RALYL: variants seen among roughly 807,000 people sequenced by gnomAD.
RALYL encodes RNA-binding Raly-like protein.
In RALYL, 29 loss-of-function variants were observed where a neutral mutation model predicts 35.1. The ratio of observed to expected loss-of-function variants is 0.83; its 90% CI spans 0.61 to 1.13. RALYL has a LOEUF of 1.13. RALYL is among the 50% of genes most tolerant of loss of function. The pLI is 0.00. For synonymous variants in RALYL, 120 were observed against 127.6 expected, an observed-to-expected ratio of 0.94 and a Z score of 0.40; for missense variants, 359 against 360.4, an observed-to-expected ratio of 1.00 and a Z score of 0.03.
chr8:84,379,880 A>G (rs1246295284), intron 1 of RALYL, among the ~76,000 whole-genome samples: 2 of 151,580 alleles, frequency 1.3e-5, no homozygotes, highest in African/African-American at 4.8e-5. Context: ...AAAAGAAAAA[A>G]ACTGTACTCC....
At chr8:84,815,898 G>T (rs1442613388) in intron 4 of RALYL, among the ~76,000 whole-genome samples, 3 of 151,854 alleles carry the variant, frequency 2.0e-5, no homozygotes, top group Non-Finnish European at 4.4e-5. Context: ...GCTGGACGTG[G>T]TGGTGTACAC....
chr8:84,802,761 C>T (rs919170847), intron 3 of RALYL, among the ~76,000 whole-genome samples: 1 of 152,110 alleles, frequency 6.6e-6, no homozygotes, highest in African/African-American at 2.4e-5. Context: ...GCAGTACTTG[C>T]CCAAAGGAAG....
intron 1 of RALYL, among the ~76,000 whole-genome samples, chr8:84,425,493 C>T (rs911733816): frequency 2.0e-5 from 3 of 152,198 alleles, no homozygotes; most frequent in Admixed American, 6.5e-5. Context: ...GATGGAAATG[C>T]AGAAATCACC....
intron 1 of RALYL, among the ~76,000 whole-genome samples, chr8:84,475,233 A>G (rs1157084382): frequency 1.3e-5 from 2 of 152,062 alleles, no homozygotes; most frequent in Non-Finnish European, 2.9e-5. Context: ...CTGCAAAGGA[A>G]CAGGGTCTCA....
chr8:84,273,745 T>C (rs182694912), intron 1 of RALYL, among the ~76,000 whole-genome samples: 26 of 152,328 alleles, frequency 1.7e-4, no homozygotes, highest in African/African-American at 4.6e-4. Context: ...TTGTTAACAA[T>C]TGAAGGGCAA....
Position 84,848,850 on chromosome 8 carries a change from A to T in RALYL, c.366-1130A>T, listed in dbSNP as rs563690252. On this transcript the variant is annotated intron_variant, in intron 4 of 8. Coordinates refer to ENST00000521268, the MANE Select transcript of RALYL (RefSeq NM_173848.7). ...AACGAGTAAGTAAACTTTTTTTTTT[A>T]AATTACTCCCCTGTGGTACAGTTAC... Among the ~76,000 whole-genome samples the T allele has an allele frequency of 2.6e-3, 391 of 151,622 alleles. 1 individual carries two copies. The highest frequency in any genetic ancestry group is 4.8e-3 in the Non-Finnish European group (323 of 67,826).
chr8:84,372,724 T>C (rs527484576), intron 1 of RALYL, among the ~76,000 whole-genome samples: 9 of 151,974 alleles, frequency 5.9e-5, no homozygotes, highest in Non-Finnish European at 1.5e-5. Flanking sequence ...GTAATATTCC[T>C]TTGGGTATAT....
At chr8:84,310,687 G>A (rs1842595151) in intron 1 of RALYL, among the ~76,000 whole-genome samples, 1 of 152,126 alleles carries the variant, frequency 6.6e-6, no homozygotes, top group Non-Finnish European at 1.5e-5. Context: ...TCTGTGGATT[G>A]TCATAACAGC....
intron 2 of RALYL, among the ~76,000 whole-genome samples, chr8:84,609,926 C>T (rs1221138734): frequency 6.6e-6 from 1 of 152,006 alleles, no homozygotes; most frequent in Non-Finnish European, 1.5e-5. Flanking sequence ...CAAGAGAGAG[C>T]GTATGCAGGG....
At chr8:84,539,110 C>T (rs1196843479) in intron 2 of RALYL, among the ~76,000 whole-genome samples, 1 of 152,106 alleles carries the variant, frequency 6.6e-6, no homozygotes, top group Admixed American at 6.6e-5. Context: ...GAGTTAGGCT[C>T]AGGACTCACG....
chr8:84,514,758 C>A (rs755427586), intron 1 of RALYL, among the ~76,000 whole-genome samples: 4 of 152,112 alleles, frequency 2.6e-5, no homozygotes, highest in Admixed American at 6.6e-5. Context: ...ATTATGTGCC[C>A]TTAGCCCGAA....
intron 4 of RALYL, among the ~76,000 whole-genome samples, chr8:84,824,495 A>G (rs1279224608): frequency 6.6e-6 from 1 of 151,986 alleles, no homozygotes; most frequent in African/African-American, 2.4e-5. Flanking sequence ...TATTTTTCTC[A>G]GAACTAGAAA....
At chr8:84,398,154 A>G (rs2042530790) in intron 1 of RALYL, among the ~76,000 whole-genome samples, 1 of 152,154 alleles carries the variant, frequency 6.6e-6, no homozygotes, top group Non-Finnish European at 1.5e-5. Flanking sequence ...TTGCGACTTC[A>G]GCTTGGTACT....
rs141640671 is a variant in RALYL, at chr8:84,593,132, G to A, written c.256+63555G>A. Among the ~76,000 whole-genome samples, 397 of 152,166 alleles carry A rather than the reference G, an allele frequency of 2.6e-3. 1 individual carries two copies. Among genetic ancestry groups the A allele is most frequent in the East Asian group, 9.7e-3 (50 of 5,170 alleles). The stretch of plus-strand genomic sequence containing the variant: ...TATCTTTTTAATCTTTGTATATGGT[G>A]TAAGGTAGGGGTCCAAATTCATTCT... On this transcript the variant is annotated intron_variant, in intron 2 of 8. Transcript: ENST00000521268.
At chr8:84,540,963 C>G (rs1007317008) in intron 2 of RALYL, among the ~76,000 whole-genome samples, 2 of 151,654 alleles carry the variant, frequency 1.3e-5, no homozygotes, top group Admixed American at 1.3e-4. Flanking sequence ...GAACTTTAAG[C>G]TATGTCTTTT....
intron 2 of RALYL, among the ~76,000 whole-genome samples, chr8:84,696,158 T>G (rs748211078): frequency 6.6e-6 from 1 of 151,654 alleles, no homozygotes; most frequent in Non-Finnish European, 1.5e-5. Flanking sequence ...GATGACAAAA[T>G]TTAAGTGCAC....
chr8:84,835,683 C>CAAA lies in RALYL; in HGVS notation c.366-14277_366-14275dup, dbSNP rs5892932. ...GGGCAACAAAAGCAAAACTCCGTCT[C>CAAA]AAAAAAAAAAAAAAAAAAAAAATGG... On this transcript the variant is annotated intron_variant, in intron 4 of 8. Transcript: ENST00000521268. Among the ~76,000 whole-genome samples, 299 of 72,430 alleles carry CAAA rather than the reference C, an allele frequency of 4.1e-3. 2 individuals are homozygous for CAAA. Among genetic ancestry groups the CAAA allele is most frequent in the African/African-American group, 0.015 (284 of 19,000 alleles). The allele number at this position is 72,430 out of a possible 152,430, so 47.5% of individuals were successfully genotyped here. A position where few individuals can be genotyped will look rare whatever the true frequency, so the allele number is the denominator to read the frequency against.
chr8:84,451,714 T>G (rs189343174), intron 1 of RALYL, among the ~76,000 whole-genome samples: 75 of 152,126 alleles, frequency 4.9e-4, no homozygotes, highest in African/African-American at 1.7e-3. Context: ...TACTGGGTTT[T>G]GCCATCCCTA....
intron 2 of RALYL, among the ~76,000 whole-genome samples, chr8:84,560,270 C>T (rs555235411): frequency 6.6e-6 from 1 of 151,864 alleles, no homozygotes; most frequent in African/African-American, 2.4e-5. Context: ...AAAATGTTCA[C>T]TAGGCTATAA....
Sources: allele counts gnomAD v4.1 joint callset (sites outside exome capture counted in the v4.1 genomes callset), GRCh38; gene constraint gnomAD v4.1.1; transcripts MANE v1.5; gene names NCBI Gene and HGNC (gene_info 2026-07-23, HGNC 2026-07-21).